IRAG2: variants seen among roughly 807,000 people sequenced by gnomAD.
The protein encoded by IRAG2 is inositol 1,4,5-triphosphate receptor associated 2.
IRAG2 carries 45 observed loss-of-function variants against 69.9 expected under a neutral mutation model. That is an observed-to-expected ratio of 0.64 (90% confidence interval 0.51 to 0.83). The LOEUF (loss-of-function observed/expected upper bound fraction) is 0.83. Ranked by LOEUF, IRAG2 falls within the 40% of genes least tolerant of loss-of-function variation. IRAG2 has a pLI of 0.00. For missense variants in IRAG2, 520 were observed against 587.0 expected (o/e 0.89, Z 1.18); for synonymous variants, 193 against 202.4 (o/e 0.95, Z 0.40).
intron 9 of IRAG2, among the ~76,000 whole-genome samples, chr12:25,081,300 T>A (rs368405348): frequency 6.6e-6 from 1 of 152,068 alleles, no homozygotes; most frequent in East Asian, 1.9e-4. Context: ...CCGTCTCTAC[T>A]AAAAATACAA....
intron 14 of IRAG2, among the ~76,000 whole-genome samples, chr12:25,036,000 T>TA (rs1687923861): frequency 6.6e-6 from 1 of 152,212 alleles, no homozygotes; most frequent in African/African-American, 2.4e-5. Flanking sequence ...GACCATTAGA[T>TA]ACGGATTGCT....
intron 13 of IRAG2, chr12:25,035,586 G>A: frequency 2.5e-6 from 1 of 398,408 alleles, no homozygotes; most frequent in Non-Finnish European, 4.4e-6. Flanking sequence ...CATCATTTTT[G>A]TTAAGTGAAA....
Position 25,107,913 on chromosome 12 carries a change from T to C in IRAG2, c.1353T>C (p.Phe451=), listed in dbSNP as rs763765046. The C allele has an allele frequency of 5.6e-6, 9 of 1,614,140 alleles. No homozygotes were observed. The highest frequency in any genetic ancestry group is 7.6e-6 in the Non-Finnish European group (9 of 1,180,054). The change falls in exon 22 of 22, where the codon TTT becomes TTC. Residue 451 remains phenylalanine (F), a synonymous_variant. Coordinates refer to ENST00000556887, the MANE Select transcript of IRAG2 (RefSeq NM_001366544.2). ...LWLSIAFIVL[F]AALMSFLTGQ... ...TCTCTATTGCATTCATTGTACTGTTTGCAGCTTTGATGAGCTTCCTCACAG... is the reference window on the plus strand; with the variant it reads ...TCTCTATTGCATTCATTGTACTGTTCGCAGCTTTGATGAGCTTCCTCACAG...
chr12:25,059,696 G>A (rs754137435), intron 1 of IRAG2, among the ~76,000 whole-genome samples: 9 of 152,040 alleles, frequency 5.9e-5, no homozygotes, highest in Admixed American at 1.3e-4. Flanking sequence ...CCTATGTGAG[G>A]GAGATGTTTG....
chr12:25,066,949 C>T (rs1251664526), intron 5 of IRAG2, among the ~76,000 whole-genome samples: 10 of 151,914 alleles, frequency 6.6e-5, no homozygotes, highest in East Asian at 3.9e-4. Context: ...CACGCCCAGC[C>T]GAAAATTTAC....
chr12:25,066,539 T>G (rs926311809), intron 5 of IRAG2, 27 bp downstream of exon 5: 2 of 401,042 alleles, frequency 5.0e-6, no homozygotes, highest in Non-Finnish European at 8.8e-6. Flanking sequence ...ATTTACTTAC[T>G]CTACTCCTCA....
intron 14 of IRAG2, among the ~76,000 whole-genome samples, chr12:25,096,469 A>G (rs1167270081): frequency 6.6e-6 from 1 of 152,214 alleles, no homozygotes; most frequent in Non-Finnish European, 1.5e-5. Flanking sequence ...CAATGAATGT[A>G]TATTCACCTA....
rs767009198 is a variant in IRAG2 at position 25,104,041 on chromosome 12, TAGA to T, written c.1032_1034del (p.Arg345del). ...GGATGGAAAATAATGATCGATTCAGTAGAAGGTCAAGCAGTTGGTAAGTGTAAT... is the reference window on the plus strand; with the variant it reads ...GGATGGAAAATAATGATCGATTCAGTAGGTCAAGCAGTTGGTAAGTGTAAT... On this transcript the variant is annotated inframe_deletion, in exon 19 of 22. Coordinates refer to ENST00000556887, the MANE Select transcript of IRAG2 (RefSeq NM_001366544.2). 3 of 1,613,496 alleles carry T rather than the reference TAGA, an allele frequency of 1.9e-6. No homozygotes were observed. The highest frequency in any genetic ancestry group is 1.7e-6 in the Non-Finnish European group (2 of 1,179,734).
At chr12:25,013,569 ATAGAAGG>A (rs1944494395) in intron 3 of IRAG2, among the ~76,000 whole-genome samples, 1 of 152,224 alleles carries the variant, frequency 6.6e-6, no homozygotes, top group African/African-American at 2.4e-5. Context: ...AAATGCTAAT[ATAGAAGG>A]TAGAAGGTAG....
chr12:25,076,272 G>T (rs142723855), intron 6 of IRAG2: 1 of 259,670 alleles, frequency 3.9e-6, no homozygotes, highest in East Asian at 1.8e-4. Context: ...CAACAAGGTA[G>T]TATTAAATGG....
At chr12:25,064,351 C>G (rs77170168) in intron 4 of IRAG2, among the ~76,000 whole-genome samples, 11,818 of 152,110 alleles carry the variant, frequency 0.078, 535 homozygotes, top group Non-Finnish European at 0.097. Context: ...AAGTAAGAAT[C>G]AAAAGCCTTA....
chr12:25,101,140 AT>A (rs1224534883), intron 15 of IRAG2, 37 bp from the exon 16 acceptor site: 8 of 1,560,488 alleles, frequency 5.1e-6, no homozygotes, highest in Non-Finnish European at 7.0e-6. Context: ...TGAGAGTAGT[AT>A]TTTCAATGTA....
intron 9 of IRAG2, among the ~76,000 whole-genome samples, chr12:25,080,597 C>G (rs1189108339): frequency 6.6e-6 from 1 of 152,120 alleles, no homozygotes; most frequent in Admixed American, 6.5e-5. Context: ...CGTGATCCAC[C>G]CTCCTTGGCC....
At chr12:25,004,963 A>G (rs1464689463) in intron 1 of IRAG2, 1 of 1,126,628 alleles carries the variant, frequency 8.9e-7, no homozygotes, top group Non-Finnish European at 1.1e-6. Flanking sequence ...AGCAATAAAC[A>G]TATCTACTTT....
At chr12:25,085,705 C>G (rs1947542105) in intron 10 of IRAG2, among the ~76,000 whole-genome samples, 1 of 151,060 alleles carries the variant, frequency 6.6e-6, no homozygotes, top group Admixed American at 6.6e-5. Flanking sequence ...ACTGGGGACC[C>G]CGCCTTTCTC....
chr12:25,012,071 G>A (rs1299888078), intron 3 of IRAG2, among the ~76,000 whole-genome samples: 1 of 150,648 alleles, frequency 6.6e-6, no homozygotes, highest in African/African-American at 2.4e-5. Context: ...AGGAGGAGAA[G>A]GGCACCCCAT....
intron 15 of IRAG2, 36 bp downstream of exon 15, chr12:25,097,080 T>A: frequency 6.4e-7 from 1 of 1,552,328 alleles, no homozygotes; most frequent in Non-Finnish European, 8.7e-7. Context: ...AGAATGAAAT[T>A]ACAAAAAAGA....
At chr12:24,998,950 T>C in the IRAG2 span, among the ~76,000 whole-genome samples, 1 of 152,202 alleles carries the variant, frequency 6.6e-6, no homozygotes, top group Non-Finnish European at 1.5e-5. Context: ...GAAAGATTTC[T>C]ACAGAGCCTT....
At chr12:25,085,895 AT>A (rs112119079) in intron 10 of IRAG2, among the ~76,000 whole-genome samples, 2 of 152,094 alleles carry the variant, frequency 1.3e-5, no homozygotes, top group Non-Finnish European at 2.9e-5. Context: ...GCCTAACTAC[AT>A]TTTTTTTAGT....
Sources: gnomAD v4.1 joint callset for allele counts (sites outside exome capture counted in the v4.1 genomes callset) on GRCh38, gnomAD v4.1.1 for gene constraint, MANE v1.5 for transcripts, NCBI Gene and HGNC (gene_info 2026-07-23, HGNC 2026-07-21) for gene names.